Variants in PCP4 observed in about 807,000 individuals in gnomAD.
PCP4 encodes the protein calmodulin regulator protein PCP4.
PCP4 carries 8 observed loss-of-function variants against 10.0 expected under a neutral mutation model. The observed-to-expected ratio is 0.80, with a 90% CI of 0.47 to 1.45. The LOEUF is 1.45. Among genes scored for constraint, PCP4 ranks in the 40% most tolerant of loss-of-function variants. The probability of loss-of-function intolerance (pLI) is 0.00; values close to 1 mark genes in which losing one functional copy is unlikely to be tolerated. For missense variants in PCP4, 54 were observed against 74.4 expected (o/e 0.73, Z 1.01); for synonymous variants, 21 against 23.0 (o/e 0.91, Z 0.24).
chr21:39,881,008 T>C (rs1247516970), intron 1 of PCP4, among the ~76,000 whole-genome samples: 2 of 152,190 alleles, frequency 1.3e-5, no homozygotes, highest in Admixed American at 6.5e-5. Context: ...TGGTCGTGTG[T>C]GCATTTTATT....
intron 2 of PCP4, among the ~76,000 whole-genome samples, chr21:39,915,902 A>C (rs540979833): frequency 5.9e-5 from 9 of 152,270 alleles, no homozygotes; most frequent in Non-Finnish European, 1.2e-4. Flanking sequence ...GGATAAACAA[A>C]GGCAATGAAC....
chr21:39,927,320 A>G (rs1216617556), intron 2 of PCP4, among the ~76,000 whole-genome samples: 1 of 97,712 alleles, frequency 1.0e-5, no homozygotes, highest in Admixed American at 1.1e-4. Flanking sequence ...CTATCTATCT[A>G]TCATCTATCT....
chr21:39,894,157 C>T (rs138392734), intron 1 of PCP4, among the ~76,000 whole-genome samples: 13 of 152,282 alleles, frequency 8.5e-5, no homozygotes, highest in African/African-American at 3.1e-4. Flanking sequence ...CTGCAAGACT[C>T]ATGGTGGCAT....
At chr21:39,880,170 CT>C (rs1568850662) in intron 1 of PCP4, among the ~76,000 whole-genome samples, 3 of 145,512 alleles carry the variant, frequency 2.1e-5, no homozygotes, top group African/African-American at 2.6e-5. Flanking sequence ...ATATCTATAT[CT>C]ATATCTATAT....
chr21:39,927,353 CT>C (rs1159800845), intron 2 of PCP4, among the ~76,000 whole-genome samples: 12 of 62,640 alleles, frequency 1.9e-4, no homozygotes, highest in South Asian at 1.6e-3. Flanking sequence ...ATCTATCTAT[CT>C]ATCTATCTAT....
chr21:39,892,016 A>C (rs983833014), intron 1 of PCP4, among the ~76,000 whole-genome samples: 34 of 152,214 alleles, frequency 2.2e-4, no homozygotes, highest in African/African-American at 8.0e-4. Flanking sequence ...CCAGCCTTCC[A>C]CAAGAAGCTG....
At chr21:39,889,725 G>C (rs577596255) in intron 1 of PCP4, among the ~76,000 whole-genome samples, 15 of 152,138 alleles carry the variant, frequency 9.9e-5, no homozygotes, top group Non-Finnish European at 2.2e-4. Flanking sequence ...CTCAAACCAA[G>C]TTCTTAGAGT....
Position 39,867,653 on chromosome 21 carries a change from G to A in PCP4, c.9+143G>A, listed in dbSNP as rs528177906. The A allele has an allele frequency of 2.4e-5, 21 of 868,820 alleles. No individual in the cohort carries two copies. In the South Asian group the frequency reaches 2.8e-4, roughly 12 times the overall value. The allele number at this position is 868,820 out of a possible 1,614,324, so 53.8% of individuals were successfully genotyped here. A position where few individuals can be genotyped will look rare whatever the true frequency, so the allele number is the denominator to read the frequency against. ...AATTATTTGCTTGGAGAACTGACAG[G>A]ATTAATCTCTTGGTTTGAATGGTAA... is the stretch of plus-strand genomic sequence containing the variant. On this transcript the variant is annotated intron_variant, in intron 1 of 2. Transcript: ENST00000328619.
intron 2 of PCP4, among the ~76,000 whole-genome samples, chr21:39,912,041 A>G (rs984136533): frequency 2.0e-5 from 3 of 152,240 alleles, no homozygotes; most frequent in Non-Finnish European, 4.4e-5. Flanking sequence ...TGACTTTAGC[A>G]AAAGGTCAGA....
intron 1 of PCP4, among the ~76,000 whole-genome samples, chr21:39,889,776 C>A (rs1025847901): frequency 6.6e-6 from 1 of 152,040 alleles, no homozygotes; most frequent in Non-Finnish European, 1.5e-5. Context: ...GGCATACATT[C>A]AGAAAAAAAT....
chr21:39,898,658 T>G, intron 2 of PCP4, 131 bp downstream of exon 2: 1 of 682,798 alleles, frequency 1.5e-6, no homozygotes, highest in Admixed American at 2.7e-5. Context: ...TTACAGAGGA[T>G]TTTAGCAATT....
At chr21:39,868,145 G>A (rs8131484) in intron 1 of PCP4, among the ~76,000 whole-genome samples, 2,253 of 152,304 alleles carry the variant, frequency 0.015, 36 homozygotes, top group Middle Eastern at 0.024. Context: ...TATACAGAAT[G>A]TGTTTTACTG....
intron 2 of PCP4, 150 bp downstream of exon 2, chr21:39,898,677 G>C (rs2146337713): frequency 1.6e-6 from 1 of 627,452 alleles, no homozygotes; most frequent in African/African-American, 1.8e-5. Flanking sequence ...TTCACAGTGA[G>C]CACTGAGGTC....
At chr21:39,895,743 G>A (rs911891326) in intron 1 of PCP4, among the ~76,000 whole-genome samples, 1 of 152,212 alleles carries the variant, frequency 6.6e-6, no homozygotes, top group African/African-American at 2.4e-5. Flanking sequence ...CCTGGCCCCA[G>A]CAGCATGAAC....
chr21:39,927,744 G>T (rs2087631875), intron 2 of PCP4, among the ~76,000 whole-genome samples: 1 of 152,162 alleles, frequency 6.6e-6, no homozygotes. Flanking sequence ...TCTGTCCCCA[G>T]TTCTGGCTTG....
At chr21:39,880,487 G>C (rs2146328062) in intron 1 of PCP4, among the ~76,000 whole-genome samples, 1 of 151,974 alleles carries the variant, frequency 6.6e-6, no homozygotes, top group East Asian at 1.9e-4. Context: ...GCATGCGTGT[G>C]AGTGTGTGTG....
At chr21:39,901,753 C>T (rs2087483290) in intron 2 of PCP4, among the ~76,000 whole-genome samples, 1 of 152,126 alleles carries the variant, frequency 6.6e-6, no homozygotes. Context: ...TGGATAATGG[C>T]AATGTATAAA....
chr21:39,904,150 A>C (rs998396826), intron 2 of PCP4, among the ~76,000 whole-genome samples: 12 of 152,198 alleles, frequency 7.9e-5, no homozygotes, highest in African/African-American at 2.9e-4. Context: ...ACAGATGTAC[A>C]TGCTACCATT....
At chr21:39,875,048 T>G (rs2087338465) in intron 1 of PCP4, among the ~76,000 whole-genome samples, 1 of 152,336 alleles carries the variant, frequency 6.6e-6, no homozygotes, top group Non-Finnish European at 1.5e-5. Context: ...CATTGAATAT[T>G]TTTGGACTGT....
Sources: allele counts gnomAD v4.1 joint callset (sites outside exome capture counted in the v4.1 genomes callset), GRCh38; gene constraint gnomAD v4.1.1; transcripts MANE v1.5; gene names NCBI Gene and HGNC (gene_info 2026-07-23, HGNC 2026-07-21).